The following EPB41L2 variants were observed in gnomAD, a reference collection of about 807,000 sequenced individuals.
The protein encoded by EPB41L2 is band 4.1-like protein 2.
EPB41L2 carries 43 observed loss-of-function variants against 113.0 expected under a neutral mutation model. The ratio of observed to expected loss-of-function variants is 0.38; its 90% CI spans 0.30 to 0.49. EPB41L2 has a LOEUF of 0.49. EPB41L2 is among the 20% of genes least tolerant of loss of function. The probability of loss-of-function intolerance (pLI) is 0.95; values close to 1 mark genes in which losing one functional copy is unlikely to be tolerated. For synonymous variants in EPB41L2, 442 were observed against 436.7 expected (o/e 1.01, Z -0.15); for missense variants, 1,147 against 1,223.4 (o/e 0.94, Z 0.93).
Position 130,955,121 on chromosome 6 carries a change from T to C in EPB41L2, c.689A>G (p.Tyr230Cys). The change falls in exon 3 of 20, where the codon TAC becomes TGC. Residue 230 changes from tyrosine (Y) to cysteine (C), a missense_variant. Coordinates refer to ENST00000337057, the MANE Select transcript of EPB41L2 (RefSeq NM_001431.4). The part of the protein sequence containing the change: ...CKVTLLDGTE[Y>C]SCDLEKHAKG... Reference sequence around the variant, plus strand: ...CTATCTCACCTCCAGGTCACAGCTGTATTCGGTGCCATCTAAGAGGGTCAC... The same window carrying C: ...CTATCTCACCTCCAGGTCACAGCTGCATTCGGTGCCATCTAAGAGGGTCAC... The C allele has an allele frequency of 6.2e-7, 1 of 1,614,184 alleles. No individual in the cohort carries two copies. Among genetic ancestry groups the C allele is most frequent in the African/African-American group, 1.3e-5 (1 of 75,050 alleles).
chr6:130,894,485 C>G (rs777711281), intron 9 of EPB41L2, 44 bp from the exon 10 acceptor site: 2 of 1,557,022 alleles, frequency 1.3e-6, no homozygotes, highest in South Asian at 2.2e-5. Flanking sequence ...TCCTTAAGAA[C>G]TGACTAGAAG....
chr6:131,004,308 G>A (rs79253164), intron 1 of EPB41L2, among the ~76,000 whole-genome samples: 3,845 of 152,264 alleles, frequency 0.025, 79 homozygotes, highest in Non-Finnish European at 0.042. Context: ...ACCTGGGGGT[G>A]TAAGCTCCAA....
intron 1 of EPB41L2, among the ~76,000 whole-genome samples, chr6:131,042,568 T>C (rs1261389419): frequency 1.3e-5 from 2 of 152,208 alleles, no homozygotes; most frequent in Non-Finnish European, 2.9e-5. Flanking sequence ...AGGATCACTA[T>C]AGAACACATT....
At chr6:130,850,850 G>T (rs544728771) in intron 19 of EPB41L2, among the ~76,000 whole-genome samples, 20 of 152,304 alleles carry the variant, frequency 1.3e-4, no homozygotes, top group Middle Eastern at 3.4e-3. Flanking sequence ...CCTCTTGTGT[G>T]GGGGGAGTTC....
At chr6:131,045,811 G>T (rs138636898) in intron 1 of EPB41L2, among the ~76,000 whole-genome samples, 2 of 152,150 alleles carry the variant, frequency 1.3e-5, no homozygotes, top group East Asian at 3.9e-4. Context: ...ATCTTGCATA[G>T]GAGATGACCA....
intron 3 of EPB41L2, among the ~76,000 whole-genome samples, chr6:130,949,001 G>A (rs1466728436): frequency 6.6e-6 from 1 of 152,138 alleles, no homozygotes; most frequent in Non-Finnish European, 1.5e-5. Context: ...AATAGAGATA[G>A]ATAACATGAC....
chr6:130,901,158 G>C lies in EPB41L2; in HGVS notation c.952C>G (p.Arg318Gly). ...AGGCGGCCAGAGGCAATGTCCTGCC[G>C]GAGCTGAAGGCACAAGAAGTATCTG... ...ITRYFLCLQL[R>G]QDIASGRLPC... The change falls in exon 7 of 20, where the codon CGG (arginine) becomes GGG (glycine). Residue 318 changes from arginine (R) to glycine (G), a missense_variant. Coordinates refer to ENST00000337057, the MANE Select transcript of EPB41L2 (RefSeq NM_001431.4). The C allele has an allele frequency of 6.2e-7, 1 of 1,613,674 alleles. No homozygotes were observed. The highest frequency in any genetic ancestry group is 8.5e-7 in the Non-Finnish European group (1 of 1,179,964).
At position 130,869,649 on chromosome 6, in the gene EPB41L2, C is replaced by A; in HGVS notation, c.2521G>T (p.Glu841Ter). ...ACTTTCTGTGGCTCTTCCTCTGCTT[C>A]TTCTCCCATGTCTTGCTTAAGAGCG... ...EGALKQDMGE[E>*]AEEEPQKVNG... The change falls in exon 15 of 20, where the codon GAA becomes TAA. Residue 841 changes from glutamate to a stop codon, truncating the protein, a stop_gained. Transcript: ENST00000337057. LOFTEE classifies it high-confidence loss of function. 1.9e-6 allele frequency: 3 copies of A among 1,614,214 alleles called. No individual in the cohort carries two copies. Among genetic ancestry groups the A allele is most frequent in the Non-Finnish European group, 2.5e-6 (3 of 1,180,034 alleles).
chr6:130,970,993 C>T (rs1304249949), intron 1 of EPB41L2, among the ~76,000 whole-genome samples: 1 of 152,136 alleles, frequency 6.6e-6, no homozygotes, highest in Admixed American at 6.5e-5. Context: ...CTCAAACAAT[C>T]CTCCCACTCC....
intron 1 of EPB41L2, among the ~76,000 whole-genome samples, chr6:130,962,249 A>G (rs1773766576): frequency 1.3e-5 from 2 of 151,898 alleles, no homozygotes; most frequent in Admixed American, 1.3e-4. Flanking sequence ...ATTTAAAAGG[A>G]GAAGGGGAAG....
chr6:130,928,839 G>C (rs1015121493), intron 3 of EPB41L2, among the ~76,000 whole-genome samples: 1 of 152,178 alleles, frequency 6.6e-6, no homozygotes, highest in Non-Finnish European at 1.5e-5. Context: ...AAGTCTCCCT[G>C]TCTGTAAAAT....
At chr6:130,842,827 T>C (rs937243442) in intron 19 of EPB41L2, among the ~76,000 whole-genome samples, 1 of 152,196 alleles carries the variant, frequency 6.6e-6, no homozygotes. Context: ...GAAAAAGACA[T>C]AGTTACCCAA....
chr6:130,953,615 A>G (rs1816067890), intron 3 of EPB41L2, among the ~76,000 whole-genome samples: 1 of 152,118 alleles, frequency 6.6e-6, no homozygotes, highest in East Asian at 1.9e-4. Flanking sequence ...ATGTATACAT[A>G]TGTAACAAAC....
At chr6:131,054,024 G>T (rs1189681683) in intron 1 of EPB41L2, among the ~76,000 whole-genome samples, 2 of 152,164 alleles carry the variant, frequency 1.3e-5, no homozygotes, top group Admixed American at 1.3e-4. Flanking sequence ...TGGTTTTCTT[G>T]ATCTATCCCC....
At chr6:131,037,585 A>ATT (rs10685424) in intron 1 of EPB41L2, among the ~76,000 whole-genome samples, 61,154 of 122,332 alleles carry the variant, frequency 0.5, 15,825 homozygotes, top group Non-Finnish European at 0.52. Context: ...AAAACCTAAA[A>ATT]TTTTTTTTTT....
chr6:130,949,138 T>A (rs1054664492), intron 3 of EPB41L2, among the ~76,000 whole-genome samples: 2 of 152,208 alleles, frequency 1.3e-5, no homozygotes, highest in Admixed American at 1.3e-4. Flanking sequence ...TTAATAAATT[T>A]AAGAATCTCT....
At chr6:130,890,555 T>A in intron 10 of EPB41L2, 89 bp from the exon 11 acceptor site, 1 of 1,401,330 alleles carries the variant, frequency 7.1e-7, no homozygotes, top group Middle Eastern at 2.6e-4. Flanking sequence ...TTTAAAGCTA[T>A]GTACTTTCAT....
chr6:131,012,096 T>G (rs1273945401), intron 1 of EPB41L2, among the ~76,000 whole-genome samples: 1 of 151,858 alleles, frequency 6.6e-6, no homozygotes, highest in Non-Finnish European at 1.5e-5. Context: ...TCCCAGCTAC[T>G]CGGGAGGCTG....
Position 131,045,948 on chromosome 6 carries a change from C to CT in EPB41L2, c.-15+17206dup, listed in dbSNP as rs5880049. Among the ~76,000 whole-genome samples, 2,316 of 138,616 alleles carry CT rather than the reference C, an allele frequency of 0.017. 188 individuals are homozygous for CT. The East Asian group carries it at 0.28, about 17-fold the overall frequency. The allele number at this position is 138,616 out of a possible 152,430, so 90.9% of individuals were successfully genotyped here. ...TCTACGCCTATATTTTTCTTTCTCT[C>CT]TTTTTTTTTTTTTTTTGAGATAGTG... On this transcript the variant is annotated intron_variant, in intron 1 of 19. Coordinates refer to ENST00000337057, the MANE Select transcript of EPB41L2 (RefSeq NM_001431.4).
Sources: allele counts gnomAD v4.1 joint callset (sites outside exome capture counted in the v4.1 genomes callset), GRCh38; gene constraint gnomAD v4.1.1; transcripts MANE v1.5; gene names NCBI Gene and HGNC (gene_info 2026-07-23, HGNC 2026-07-21).